The following KCNT1 variants were observed in gnomAD, a reference collection of about 807,000 sequenced individuals.
KCNT1 encodes potassium sodium-activated channel subfamily T member 1.
Under a neutral mutation model 147.8 loss-of-function variants are expected in KCNT1, and 78 were observed. The ratio of observed to expected loss-of-function variants is 0.53; its 90% CI spans 0.44 to 0.64. The LOEUF (loss-of-function observed/expected upper bound fraction) is 0.64. Among genes scored for constraint, KCNT1 ranks in the 30% least tolerant of loss-of-function variants. The pLI is 0.00. For synonymous variants in KCNT1, 867 were observed against 748.8 expected (o/e 1.16, Z -2.58); for missense variants, 1,419 against 1,750.3 (o/e 0.81, Z 3.38).
At chr9:135,774,662 T>C (rs767424048) in intron 19 of KCNT1, among the ~76,000 whole-genome samples, 1 of 150,490 alleles carries the variant, frequency 6.6e-6, no homozygotes, top group African/African-American at 2.4e-5. Flanking sequence ...GTGGTGTGTA[T>C]GTTATGTGTC....
rs867342185 is a variant in KCNT1 at position 135,770,642 on chromosome 9, G to T, written c.1769+195G>T. On this transcript the variant is annotated intron_variant, in intron 17 of 30. Coordinates refer to ENST00000371757, the MANE Select transcript of KCNT1 (RefSeq NM_020822.3). Reference sequence around the variant, plus strand: ...GGGTCCACATAAAAACCTGCCACGCGGCTCCTCCCTGAGGCTTGTGGGCTG... The same window carrying T: ...GGGTCCACATAAAAACCTGCCACGCTGCTCCTCCCTGAGGCTTGTGGGCTG... 3.3e-5 allele frequency among the ~76,000 whole-genome samples: 5 copies of T among 152,182 alleles called. No homozygotes were observed. The South Asian group carries it at 8.3e-4, about 25-fold the overall frequency.
intron 19 of KCNT1, among the ~76,000 whole-genome samples, chr9:135,773,746 C>T (rs1832916080): frequency 6.6e-6 from 1 of 152,272 alleles, no homozygotes; most frequent in African/African-American, 2.4e-5. Context: ...AATGACAGCC[C>T]AGCTGCTGGG....
rs1832273050 is a variant in KCNT1, at chr9:135,766,266, GGGGTGGACCATCTAGGGTAGACTGTCCA to G, written c.1337+520_1337+547del. Among the ~76,000 whole-genome samples, 3 of 140,060 alleles carry G rather than the reference GGGGTGGACCATCTAGGGTAGACTGTCCA, an allele frequency of 2.1e-5. No homozygotes were observed. The South Asian group carries it at 7.0e-4, about 33-fold the overall frequency. 91.9% of individuals were successfully genotyped at this position (140,060 alleles called of 152,430 possible). A position where few individuals can be genotyped will look rare whatever the true frequency, so the allele number is the denominator to read the frequency against. On this transcript the variant is annotated intron_variant, in intron 13 of 30. Transcript: ENST00000371757. ...GTGGACCATCCAGTGTAGATCATGT[GGGGTGGACCATCTAGGGTAGACTGTCCA>G]GGGTGGACCATCTGGGGTGGGCTGT...
chr9:135,708,156 G>T (rs1835331694), intron 1 of KCNT1, among the ~76,000 whole-genome samples: 1 of 152,238 alleles, frequency 6.6e-6, no homozygotes, highest in South Asian at 2.1e-4. Flanking sequence ...CTGCCTGGGG[G>T]ACTCTCCTGG....
chr9:135,749,781 C>T (rs1001037356), intron 2 of KCNT1, among the ~76,000 whole-genome samples: 8 of 152,214 alleles, frequency 5.3e-5, no homozygotes, highest in Admixed American at 2.0e-4. Context: ...GAGGCTTGGG[C>T]GAGGGTGTGT....
chr9:135,786,439 G>A lies in KCNT1; in HGVS notation c.3420G>A (p.Leu1140=), dbSNP rs748626199. The change falls in exon 29 of 31, where the codon CTG becomes CTA. Residue 1140 remains leucine (L), a synonymous_variant. Coordinates refer to ENST00000371757, the MANE Select transcript of KCNT1 (RefSeq NM_020822.3). ...GGATCAGCCAGCAGCGCCTCAGCCT[G>A]TACCGGCGCTCTGAGCGCCAGGAGC... The part of the protein sequence containing the change: ...AEWISQQRLS[L]YRRSERQELS... 2.6e-5 allele frequency: 42 copies of A among 1,596,518 alleles called. No individual in the cohort carries two copies. The South Asian group carries it at 4.7e-4, about 18-fold the overall frequency.
At chr9:135,744,449 C>T (rs1830712239) in intron 2 of KCNT1, among the ~76,000 whole-genome samples, 1 of 152,244 alleles carries the variant, frequency 6.6e-6, no homozygotes, top group African/African-American at 2.4e-5. Context: ...GGGCCCAGGC[C>T]TGGCTCAACA....
At chr9:135,776,558 T>C (rs1428407150) in intron 20 of KCNT1, among the ~76,000 whole-genome samples, 2 of 152,218 alleles carry the variant, frequency 1.3e-5, no homozygotes, top group Non-Finnish European at 2.9e-5. Context: ...TGAGCCACCA[T>C]GCCTGCCATC....
intron 2 of KCNT1, among the ~76,000 whole-genome samples, chr9:135,727,396 T>C (rs1836259245): frequency 2.7e-5 from 3 of 112,922 alleles, no homozygotes; most frequent in South Asian, 3.6e-4. Context: ...TCCCTCTCTC[T>C]CCCACTCTCT....
intron 2 of KCNT1, among the ~76,000 whole-genome samples, chr9:135,721,904 G>A (rs571154391): frequency 1.3e-5 from 2 of 152,304 alleles, no homozygotes; most frequent in East Asian, 1.9e-4. Context: ...GGAAGGTGAC[G>A]CCTCTGCTGT....
At chr9:135,704,820 A>G (rs1754835324) in intron 1 of KCNT1, among the ~76,000 whole-genome samples, 1 of 152,216 alleles carries the variant, frequency 6.6e-6, no homozygotes, top group South Asian at 2.1e-4. Context: ...AGCAGGAAGT[A>G]GCTCAGGGCT....
At chr9:135,740,596 G>C (rs1830522427) in intron 2 of KCNT1, among the ~76,000 whole-genome samples, 1 of 152,250 alleles carries the variant, frequency 6.6e-6, no homozygotes, top group Non-Finnish European at 1.5e-5. Flanking sequence ...CAGGGAAGCA[G>C]GGCTAAGCCC....
In KCNT1 at chr9:135,756,956, C is replaced by T. The variant is rs751784470; in HGVS notation, c.600+24C>T. ...AAGTGAGTGCCTGCCCGGGATGGCACCTCACAGGGGGTCCCCACCCTCCCC... is the reference window on the plus strand; with the variant it reads ...AAGTGAGTGCCTGCCCGGGATGGCATCTCACAGGGGGTCCCCACCCTCCCC... On this transcript the variant is annotated intron_variant, in intron 7 of 30. Transcript: ENST00000371757. 7 of 1,606,472 alleles carry T rather than the reference C, an allele frequency of 4.4e-6. No homozygotes were observed. In the Admixed American group the frequency reaches 1.2e-4, roughly 27 times the overall value.
At chr9:135,725,333 T>G (rs1197308081) in intron 2 of KCNT1, among the ~76,000 whole-genome samples, 1 of 152,138 alleles carries the variant, frequency 6.6e-6, no homozygotes, top group Non-Finnish European at 1.5e-5. Context: ...TGTGATTAGT[T>G]GAGGATCTCA....
intron 2 of KCNT1, among the ~76,000 whole-genome samples, chr9:135,727,408 C>CCT (rs139351340): frequency 0.12 from 15,546 of 132,020 alleles, 1,189 homozygotes; most frequent in South Asian, 0.15. Context: ...CCACTCTCTC[C>CCT]CTCTCTTTTC....
At chr9:135,783,801 G>A (rs1052337214) in intron 24 of KCNT1, among the ~76,000 whole-genome samples, 1 of 152,254 alleles carries the variant, frequency 6.6e-6, no homozygotes, top group Non-Finnish European at 1.5e-5. Flanking sequence ...CCGGGCTCTG[G>A]CCCTGAGTGT....
chr9:135,753,852 C>G (rs959887873), intron 4 of KCNT1, 85 bp from the exon 5 acceptor site: 5 of 1,461,656 alleles, frequency 3.4e-6, no homozygotes, highest in Non-Finnish European at 4.8e-6. Context: ...CCCATGAACC[C>G]GAGCCTGTGG....
intron 29 of KCNT1, 47 bp from the exon 30 acceptor site, chr9:135,791,750 G>T: frequency 6.5e-7 from 1 of 1,537,700 alleles, no homozygotes; most frequent in Admixed American, 1.7e-5. Context: ...AGAGCTGGGA[G>T]GGGCAGGGCT....
chr9:135,777,335 C>G lies in KCNT1; in HGVS notation c.2350-3C>G. 1 of 1,612,580 alleles carries G rather than the reference C, an allele frequency of 6.2e-7. No individual in the cohort carries two copies. Among genetic ancestry groups the G allele is most frequent in the Middle Eastern group, 1.7e-4 (1 of 6,054 alleles). ...CAGCCCTGACTCCAGCATCTGCCCC[C>G]AGGGCTGCAAGCACAACAGCTATGA... is the stretch of plus-strand genomic sequence containing the variant. On this transcript the variant is annotated splice_polypyrimidine_tract_variant and splice_region_variant and intron_variant, in intron 20 of 30. Transcript: ENST00000371757.
Sources: allele counts gnomAD v4.1 joint callset (sites outside exome capture counted in the v4.1 genomes callset), GRCh38; gene constraint gnomAD v4.1.1; transcripts MANE v1.5; gene names NCBI Gene and HGNC (gene_info 2026-07-23, HGNC 2026-07-21).